The following NAP1L1 variants were observed in gnomAD, a reference collection of about 807,000 sequenced individuals.
The protein encoded by NAP1L1 is nucleosome assembly protein 1 like 1.
Under a neutral mutation model 58.9 loss-of-function variants are expected in NAP1L1, and 9 were observed. The observed-to-expected ratio is 0.15, with a 90% confidence interval of 0.09 to 0.27. The LOEUF (loss-of-function observed/expected upper bound fraction) is 0.27, where lower values mean the gene tolerates loss of function less well. NAP1L1 is among the 10% of genes least tolerant of loss of function. NAP1L1 has a pLI of 1.00. For missense variants in NAP1L1, 302 were observed against 458.8 expected (o/e 0.66, Z 3.12); for synonymous variants, 130 against 138.3 (o/e 0.94, Z 0.42).
rs1029124333 is a variant in NAP1L1 at position 76,039,022 on chromosome 12, T to C, written c.*9407A>G. ...AATCATAATTAATCCTTTTGGGCCG[T>C]ATTTAAAGAAAATTACTTTTCTTAG... is the stretch of plus-strand genomic sequence containing the variant. On this transcript the variant is annotated 3_prime_UTR_variant, in exon 15 of 15. Transcript: ENST00000618691. The C allele has an allele frequency of 4.6e-5, 7 of 152,190 alleles. No individual in the cohort carries two copies. Among genetic ancestry groups the C allele is most frequent in the Admixed American group, 3.3e-4 (5 of 15,274 alleles). The allele number at this position is 152,190 out of a possible 1,614,324, so 9.4% of individuals were successfully genotyped here. A position where few individuals can be genotyped will look rare whatever the true frequency, so the allele number is the denominator to read the frequency against.
Position 76,053,969 on chromosome 12 carries a change from G to GTA in NAP1L1, c.631-62_631-61dup. The GTA allele has an allele frequency of 2.7e-6, 4 of 1,485,890 alleles. No homozygotes were observed. The South Asian group carries it at 5.0e-5, about 19-fold the overall frequency. 92.0% of individuals were successfully genotyped at this position (1,485,890 alleles called of 1,614,324 possible). A position where few individuals can be genotyped will look rare whatever the true frequency, so the allele number is the denominator to read the frequency against. On this transcript the variant is annotated intron_variant, in intron 8 of 14. Coordinates refer to ENST00000618691, the MANE Select transcript of NAP1L1 (RefSeq NM_004537.7). ...CTACCTCACATATTTCAGTACTTTA[G>GTA]TAAACACAGCTTCATCTGTTTTTAT...
intron 2 of NAP1L1, among the ~76,000 whole-genome samples, chr12:76,070,542 A>G (rs1049330825): frequency 6.6e-6 from 1 of 152,224 alleles, no homozygotes; most frequent in African/African-American, 2.4e-5. Context: ...CTATATCCAA[A>G]GGCTTTAAAA....
intron 6 of NAP1L1, 140 bp from the exon 7 acceptor site, chr12:76,056,301 C>A: frequency 1.2e-6 from 1 of 816,944 alleles, no homozygotes; most frequent in Non-Finnish European, 1.9e-6. Flanking sequence ...ACCGCCGTTG[C>A]CCATAACAAA....
Position 76,047,720 on chromosome 12 carries a change from T to C in NAP1L1, c.*709A>G, listed in dbSNP as rs1223193600. On this transcript the variant is annotated 3_prime_UTR_variant, in exon 15 of 15. Coordinates refer to ENST00000618691, the MANE Select transcript of NAP1L1 (RefSeq NM_004537.7). Reference sequence around the variant, plus strand: ...TTCCAGGGAAGCAGAAGGTAGACCCTACCACAAAGAAAAGATGCTTAGTTA... The same window carrying C: ...TTCCAGGGAAGCAGAAGGTAGACCCCACCACAAAGAAAAGATGCTTAGTTA... The C allele has an allele frequency of 4.6e-5, 7 of 152,088 alleles. No individual in the cohort carries two copies. The highest frequency in any genetic ancestry group is 1.0e-4 in the Non-Finnish European group (7 of 67,926). The allele number at this position is 152,088 out of a possible 1,614,324, so 9.4% of individuals were successfully genotyped here.
rs1948669895 is a variant in NAP1L1, at chr12:76,048,347, A to T, written c.*82T>A. 6 of 1,506,906 alleles carry T rather than the reference A, an allele frequency of 4.0e-6. No individual in the cohort carries two copies. The highest frequency in any genetic ancestry group is 5.4e-6 in the Non-Finnish European group (6 of 1,105,006). 93.3% of individuals were successfully genotyped at this position (1,506,906 alleles called of 1,614,324 possible). On this transcript the variant is annotated 3_prime_UTR_variant, in exon 15 of 15. Coordinates refer to ENST00000618691, the MANE Select transcript of NAP1L1 (RefSeq NM_004537.7). ...TTACCTAGTCTACCAAGAAAATACAAAAACATAAGGCTGTAAGTAAATAAG... is the reference window on the plus strand; with the variant it reads ...TTACCTAGTCTACCAAGAAAATACATAAACATAAGGCTGTAAGTAAATAAG...
chr12:76,079,111 G>C (rs1211814164), intron 1 of NAP1L1, among the ~76,000 whole-genome samples: 1 of 151,992 alleles, frequency 6.6e-6, no homozygotes, highest in Non-Finnish European at 1.5e-5. Context: ...TAACTTCAAA[G>C]GCACAAAAAG....
chr12:76,051,785 C>G (rs550205789), intron 11 of NAP1L1, among the ~76,000 whole-genome samples: 2 of 152,256 alleles, frequency 1.3e-5, no homozygotes, highest in South Asian at 4.1e-4. Flanking sequence ...GAGGCCAAGG[C>G]AGGCAGATTA....
At chr12:76,060,808 T>C (rs1013718075) in intron 4 of NAP1L1, among the ~76,000 whole-genome samples, 2 of 152,178 alleles carry the variant, frequency 1.3e-5, no homozygotes, top group Non-Finnish European at 2.9e-5. Flanking sequence ...ATAACAGCTT[T>C]AGGGCCAGGT....
chr12:76,071,135 C>T (rs1463734720), intron 2 of NAP1L1, among the ~76,000 whole-genome samples: 3 of 152,090 alleles, frequency 2.0e-5, no homozygotes, highest in Non-Finnish European at 1.5e-5. Context: ...TAGATGCAAA[C>T]TCATGGATGC....
At chr12:76,058,238 A>T in intron 6 of NAP1L1, 1 of 241,882 alleles carries the variant, frequency 4.1e-6, no homozygotes, top group South Asian at 5.7e-5. Flanking sequence ...TTCTACAGTA[A>T]AACTGTAGAC....
Position 76,045,637 on chromosome 12 carries a change from G to A in NAP1L1, c.*2792C>T, listed in dbSNP as rs1279459712. 1 of 152,000 alleles carries A rather than the reference G, an allele frequency of 6.6e-6. No individual in the cohort carries two copies. Among genetic ancestry groups the A allele is most frequent in the Admixed American group, 6.6e-5 (1 of 15,260 alleles). 9.4% of individuals were successfully genotyped at this position (152,000 alleles called of 1,614,324 possible). A position where few individuals can be genotyped will look rare whatever the true frequency, so the allele number is the denominator to read the frequency against. On this transcript the variant is annotated 3_prime_UTR_variant, in exon 15 of 15. Transcript: ENST00000618691. ...AGGTATTTTTGCAATCTAAAATAGT[G>A]ATGCTAATACTGCTTCAGTAAGCTA...
In NAP1L1 at chr12:76,057,586, C is replaced by G. The variant is rs1417810282; in HGVS notation, c.430-1425G>C. 3 of 1,046,156 alleles carry G rather than the reference C, an allele frequency of 2.9e-6. No individual in the cohort carries two copies. In the African/African-American group the frequency reaches 4.7e-5, roughly 16 times the overall value. 64.8% of individuals were successfully genotyped at this position (1,046,156 alleles called of 1,614,324 possible). A position where few individuals can be genotyped will look rare whatever the true frequency, so the allele number is the denominator to read the frequency against. The stretch of plus-strand genomic sequence containing the variant: ...CAATAGGGCTGACTGCAAAGGAGAC[C>G]CAAGGAACAGAGCCAAGTTAGATGC... On this transcript the variant is annotated intron_variant, in intron 6 of 14. Transcript: ENST00000618691.
At chr12:76,081,174 C>T (rs1950392442) in intron 1 of NAP1L1, among the ~76,000 whole-genome samples, 1 of 152,028 alleles carries the variant, frequency 6.6e-6, no homozygotes, top group African/African-American at 2.4e-5. Context: ...TGTAAGTCAA[C>T]ATTCTTTCAA....
At chr12:76,081,747 T>C (rs1045648054) in intron 1 of NAP1L1, among the ~76,000 whole-genome samples, 1 of 152,244 alleles carries the variant, frequency 6.6e-6, no homozygotes, top group Non-Finnish European at 1.5e-5. Context: ...GTAGTCATTG[T>C]GCTAAACGAC....
In NAP1L1 at chr12:76,044,625, G is replaced by T. The variant is rs1401343201; in HGVS notation, c.*3804C>A. 6.6e-6 allele frequency: 1 copy of T among 152,140 alleles called. No homozygotes were observed. Among genetic ancestry groups the T allele is most frequent in the African/African-American group, 2.4e-5 (1 of 41,430 alleles). The allele number at this position is 152,140 out of a possible 1,614,324, so 9.4% of individuals were successfully genotyped here. On this transcript the variant is annotated 3_prime_UTR_variant, in exon 15 of 15. Coordinates refer to ENST00000618691, the MANE Select transcript of NAP1L1 (RefSeq NM_004537.7). The stretch of plus-strand genomic sequence containing the variant: ...AATACTCCAATAAACTCATAAAGCT[G>T]AAGTCTTAAGTCAAACCATTATAAG...
At position 76,048,160 on chromosome 12, in the gene NAP1L1, G is replaced by A; in HGVS notation, c.*269C>T. ...GTTAATTTTCATAGCTGTACTCCAA[G>A]AGCTACATAAAAATATTCCAGAAGA... On this transcript the variant is annotated 3_prime_UTR_variant, in exon 15 of 15. Transcript: ENST00000618691. The A allele has an allele frequency of 5.0e-6, 2 of 400,978 alleles. No individual in the cohort carries two copies. Among genetic ancestry groups the A allele is most frequent in the Non-Finnish European group, 8.8e-6 (2 of 226,296 alleles). 24.8% of individuals were successfully genotyped at this position (400,978 alleles called of 1,614,324 possible). A position where few individuals can be genotyped will look rare whatever the true frequency, so the allele number is the denominator to read the frequency against.
At chr12:76,062,261 G>T (rs1004571023) in intron 4 of NAP1L1, among the ~76,000 whole-genome samples, 9 of 152,064 alleles carry the variant, frequency 5.9e-5, no homozygotes, top group Admixed American at 4.6e-4. Flanking sequence ...ACCCTACAAA[G>T]CACACCATAA....
At chr12:76,060,512 T>A (rs1160276918) in intron 4 of NAP1L1, among the ~76,000 whole-genome samples, 1 of 152,228 alleles carries the variant, frequency 6.6e-6, no homozygotes, top group Non-Finnish European at 1.5e-5. Context: ...TAAATCATAT[T>A]GTCAACCCTA....
Position 76,040,113 on chromosome 12 carries a change from A to G in NAP1L1, c.*8316T>C, listed in dbSNP as rs772702502. On this transcript the variant is annotated 3_prime_UTR_variant, in exon 15 of 15. Coordinates refer to ENST00000618691, the MANE Select transcript of NAP1L1 (RefSeq NM_004537.7). ...AGCTATAATTCAAGTAAAAGATTCC[A>G]AAATGATGGGGAAAAGCATATGTTT... is the stretch of plus-strand genomic sequence containing the variant. The G allele has an allele frequency of 6.6e-6, 1 of 152,198 alleles. No individual in the cohort carries two copies. The highest frequency in any genetic ancestry group is 2.4e-5 in the African/African-American group (1 of 41,458). 9.4% of individuals were successfully genotyped at this position (152,198 alleles called of 1,614,324 possible).
Sources: gnomAD v4.1 joint callset for allele counts (sites outside exome capture counted in the v4.1 genomes callset) on GRCh38, gnomAD v4.1.1 for gene constraint, MANE v1.5 for transcripts, NCBI Gene and HGNC (gene_info 2026-07-23, HGNC 2026-07-21) for gene names.